Variants in SV2C observed in about 807,000 individuals in gnomAD.
SV2C encodes the protein synaptic vesicle glycoprotein 2C, also known as solute carrier family 22 member B3.
A neutral mutation model predicts 79.7 loss-of-function variants in SV2C; 49 were observed. The ratio of observed to expected loss-of-function variants is 0.61; its 90% CI spans 0.49 to 0.78. The LOEUF (loss-of-function observed/expected upper bound fraction) is 0.78. SV2C is among the 30% of genes least tolerant of loss of function. The pLI, the probability that SV2C is intolerant of heterozygous loss-of-function variation, is 0.00. For missense variants in SV2C, 833 were observed against 912.9 expected (o/e 0.91, Z 1.13); for synonymous variants, 334 against 333.2 (o/e 1.00, Z -0.03).
intron 4 of SV2C, among the ~76,000 whole-genome samples, chr5:76,256,735 C>T (rs1746276867): frequency 6.6e-6 from 1 of 152,188 alleles, no homozygotes; most frequent in Non-Finnish European, 1.5e-5. Context: ...CTGCCTGCTA[C>T]CAAATCATCT....
At chr5:75,848,347 G>T in the SV2C span, among the ~76,000 whole-genome samples, 1 of 152,210 alleles carries the variant, frequency 6.6e-6, no homozygotes, top group African/African-American at 2.4e-5. Context: ...CACTAGCAGA[G>T]ACAGGGCCTT....
chr5:75,903,226 A>G, the SV2C span, among the ~76,000 whole-genome samples: 34,879 of 152,038 alleles, frequency 0.23, 7,620 homozygotes, highest in African/African-American at 0.58. Context: ...GGCTCAAAGT[A>G]TCCTTAGAGA....
At chr5:75,876,329 A>G in the SV2C span, among the ~76,000 whole-genome samples, 1 of 152,112 alleles carries the variant, frequency 6.6e-6, no homozygotes, top group African/African-American at 2.4e-5. Flanking sequence ...CAGAAAACCA[A>G]CTACTGCATG....
At chr5:76,099,365 C>CGTGTGTGTGTGT (rs10582798) in intron 1 of SV2C, among the ~76,000 whole-genome samples, 55 of 148,602 alleles carry the variant, frequency 3.7e-4, no homozygotes, top group Middle Eastern at 3.5e-3. Context: ...TTCTTTTGCT[C>CGTGTGTGTGTGT]GTGTGTGTGT....
chr5:75,880,698 T>C, the SV2C span, among the ~76,000 whole-genome samples: 1,776 of 152,306 alleles, frequency 0.012, 29 homozygotes, highest in African/African-American at 0.04. Flanking sequence ...TTCCCTCATC[T>C]TCTTTTCTTC....
chr5:75,976,746 CA>C, the SV2C span, among the ~76,000 whole-genome samples: 1 of 151,994 alleles, frequency 6.6e-6, no homozygotes, highest in Admixed American at 6.6e-5. Context: ...TATAGCTTAT[CA>C]ATAACTTAAA....
intron 4 of SV2C, among the ~76,000 whole-genome samples, chr5:76,234,964 G>A (rs1745567409): frequency 6.6e-6 from 1 of 152,214 alleles, no homozygotes; most frequent in East Asian, 1.9e-4. Flanking sequence ...CTAAGACAGG[G>A]ACATTCGATC....
intron 6 of SV2C, 75 bp from the exon 7 acceptor site, chr5:76,291,145 TA>T: frequency 1.8e-6 from 2 of 1,132,642 alleles, no homozygotes; most frequent in Non-Finnish European, 2.5e-6. Context: ...TTTGCTCCTG[TA>T]AAAACAAATT....
At chr5:76,335,566 C>A (rs1205501012), downstream of SV2C, among the ~76,000 whole-genome samples, 2 of 152,012 alleles carry the variant, frequency 1.3e-5, no homozygotes, top group Non-Finnish European at 2.9e-5. Flanking sequence ...GAGGACCCTG[C>A]GGCCCTCCGC....
At chr5:76,222,432 A>T (rs906089907) in intron 4 of SV2C, among the ~76,000 whole-genome samples, 1 of 150,426 alleles carries the variant, frequency 6.6e-6, no homozygotes, top group Non-Finnish European at 1.5e-5. Flanking sequence ...CATGTTAATT[A>T]TTGGCAGAGG....
intron 2 of SV2C, among the ~76,000 whole-genome samples, chr5:76,142,958 A>G (rs898804776): frequency 1.4e-5 from 2 of 146,254 alleles, no homozygotes; most frequent in Non-Finnish European, 3.0e-5. Context: ...CAGTGGTGCA[A>G]TCTCGGCTCA....
the SV2C span, among the ~76,000 whole-genome samples, chr5:75,997,134 C>G: frequency 6.6e-6 from 1 of 151,510 alleles, no homozygotes; most frequent in Non-Finnish European, 1.5e-5. Context: ...TCATAGATAG[C>G]TCTTATTATT....
At chr5:76,059,720 C>T in the SV2C span, among the ~76,000 whole-genome samples, 1 of 152,230 alleles carries the variant, frequency 6.6e-6, no homozygotes, top group East Asian at 1.9e-4. Flanking sequence ...GATATTTTGA[C>T]TTCCTCCTAT....
At chr5:75,872,979 G>A in the SV2C span, among the ~76,000 whole-genome samples, 1 of 151,838 alleles carries the variant, frequency 6.6e-6, no homozygotes, top group South Asian at 2.1e-4. Flanking sequence ...TAAATATGTA[G>A]ACATACATAA....
the SV2C span, among the ~76,000 whole-genome samples, chr5:75,982,223 T>TTAAC: frequency 6.3e-5 from 6 of 95,866 alleles, no homozygotes; most frequent in African/African-American, 2.8e-4. Context: ...TAAAACTTAA[T>TTAAC]TAAAAAAATA....
the SV2C span, among the ~76,000 whole-genome samples, chr5:75,900,423 T>C: frequency 7.9e-5 from 12 of 152,348 alleles, no homozygotes; most frequent in East Asian, 5.8e-4. Flanking sequence ...GAGTTTCTGC[T>C]GAGAGATCCG....
the SV2C span, among the ~76,000 whole-genome samples, chr5:75,891,949 G>A: frequency 6.6e-6 from 1 of 151,982 alleles, no homozygotes; most frequent in African/African-American, 2.4e-5. Context: ...ACAGCTTAGG[G>A]CCAGATAAAC....
the SV2C span, among the ~76,000 whole-genome samples, chr5:75,876,504 A>G: frequency 1.3e-5 from 2 of 152,092 alleles, no homozygotes; most frequent in Non-Finnish European, 2.9e-5. Flanking sequence ...AATAATATGT[A>G]TAATAAATTC....
intron 1 of SV2C, among the ~76,000 whole-genome samples, chr5:76,131,343 T>C (rs1748882397): frequency 6.6e-6 from 1 of 152,200 alleles, no homozygotes; most frequent in African/African-American, 2.4e-5. Flanking sequence ...CTTTTAAAGA[T>C]GCAAGATGCT....
Sources: allele counts gnomAD v4.1 joint callset (sites outside exome capture counted in the v4.1 genomes callset), GRCh38; gene constraint gnomAD v4.1.1; transcripts MANE v1.5; gene names NCBI Gene and HGNC (gene_info 2026-07-23, HGNC 2026-07-21).